GLDN: variants seen among roughly 807,000 people sequenced by gnomAD.
GLDN encodes the protein collomin.
GLDN carries 47 observed loss-of-function variants against 56.5 expected under a neutral mutation model. That is an observed-to-expected ratio of 0.83 (90% CI 0.66 to 1.06). GLDN has a LOEUF of 1.06. GLDN is among the 50% of genes least tolerant of loss of function. The pLI, the probability that GLDN is intolerant of heterozygous loss-of-function variation, is 0.00. For missense variants in GLDN, 782 were observed against 714.3 expected (o/e 1.09, Z -1.08); for synonymous variants, 332 against 278.8 (o/e 1.19, Z -1.90).
chr15:51,355,200 C>T (rs548336415), intron 1 of GLDN, among the ~76,000 whole-genome samples: 1 of 152,100 alleles, frequency 6.6e-6, no homozygotes, highest in Non-Finnish European at 1.5e-5. Flanking sequence ...CAGAGCAGCC[C>T]CAAAGGCTGC....
In GLDN at chr15:51,397,472, G is replaced by T; in HGVS notation, c.691G>T (p.Ala231Ser). ...CCTTTCTCTCTCTCTCTCTCCAGGTGCCAAAGGTGACCAAGGCCCACCCGG... is the reference window on the plus strand; with the variant it reads ...CCTTTCTCTCTCTCTCTCTCCAGGTTCCAAAGGTGACCAAGGCCCACCCGG... Reference protein sequence around the residue: ...DVSNDVLLAGAKGDQGPPGPP... With the variant: ...DVSNDVLLAGSKGDQGPPGPP... Residue 231 changes from alanine to serine, a missense_variant and splice_region_variant, in exon 6 of 10, where the codon GCC becomes TCC. Coordinates refer to ENST00000335449, the MANE Select transcript of GLDN (RefSeq NM_181789.4). The T allele has an allele frequency of 6.6e-7, 1 of 1,507,988 alleles. No homozygotes were observed. Among genetic ancestry groups the T allele is most frequent in the Non-Finnish European group, 8.9e-7 (1 of 1,123,994 alleles). The allele number at this position is 1,507,988 out of a possible 1,614,324, so 93.4% of individuals were successfully genotyped here.
Position 51,400,437 on chromosome 15 carries a change from T to G in GLDN, c.966T>G (p.Thr322=), listed in dbSNP as rs768664968. 1 of 1,614,206 alleles carries G rather than the reference T, an allele frequency of 6.2e-7. No individual in the cohort carries two copies. The highest frequency in any genetic ancestry group is 8.5e-7 in the Non-Finnish European group (1 of 1,180,020). The change falls in exon 8 of 10, where the codon ACT becomes ACG. Residue 322 remains threonine, a synonymous_variant. Transcript: ENST00000335449. ...TGAAAGTGACAGAGACATTTGGGAC[T>G]TGGATAAGAGAGTCTGCTAACAAGA... The part of the protein sequence containing the change: ...QVLKVTETFG[T]WIRESANKSD...
intron 9 of GLDN, among the ~76,000 whole-genome samples, chr15:51,402,628 A>G (rs887713136): frequency 6.6e-6 from 1 of 152,240 alleles, no homozygotes; most frequent in Non-Finnish European, 1.5e-5. Context: ...AACAAGAGAC[A>G]GTGACTTTGA....
intron 1 of GLDN, among the ~76,000 whole-genome samples, chr15:51,348,136 G>T (rs774214732): frequency 1.4e-4 from 22 of 152,026 alleles, no homozygotes; most frequent in Non-Finnish European, 2.9e-4. Context: ...TTGTACCCCA[G>T]GTAATTTGGC....
downstream of GLDN, among the ~76,000 whole-genome samples, chr15:51,410,178 T>C (rs1466316367): frequency 1.3e-5 from 2 of 152,246 alleles, no homozygotes; most frequent in African/African-American, 4.8e-5. Flanking sequence ...CACTCAATCA[T>C]GCCCAAGTGG....
chr15:51,391,259 G>A (rs953754583), intron 4 of GLDN, among the ~76,000 whole-genome samples: 1 of 151,510 alleles, frequency 6.6e-6, no homozygotes, highest in African/African-American at 2.5e-5. Flanking sequence ...CTGCCAGGCA[G>A]CAGGAACATT....
At chr15:51,354,146 C>G (rs1260418575) in intron 1 of GLDN, among the ~76,000 whole-genome samples, 2 of 152,156 alleles carry the variant, frequency 1.3e-5, no homozygotes, top group Non-Finnish European at 2.9e-5. Context: ...ATAGAGCAAC[C>G]CCTTCATCTG....
intron 1 of GLDN, among the ~76,000 whole-genome samples, chr15:51,352,924 G>C (rs755966747): frequency 4.3e-5 from 6 of 139,656 alleles, no homozygotes; most frequent in Non-Finnish European, 7.5e-5. Context: ...GGGAAGCACA[G>C]CACCTTTGTA....
intron 2 of GLDN, among the ~76,000 whole-genome samples, chr15:51,382,678 A>G (rs555549986): frequency 1.1e-3 from 171 of 150,758 alleles, no homozygotes; most frequent in African/African-American, 3.8e-3. Context: ...GTGAGCCGAG[A>G]TGGTGCCACT....
At position 51,394,898 on chromosome 15, in the gene GLDN, G is replaced by T; in HGVS notation, c.605G>T (p.Gly202Val). ...RGEKGDHGEL[G>V]LQGNEGPPGQ... ...GAAAAGGGAGACCATGGTGAACTGG[G>T]CCTGCAGGGAAATGAGGGCCCACCA... Residue 202 changes from glycine (G) to valine (V), a missense_variant, in exon 5 of 10, where the codon GGC becomes GTC. Physicochemically the swap from Gly to Val is moderately radical, Grantham distance 109. Transcript: ENST00000335449. 6.2e-7 allele frequency: 1 copy of T among 1,613,550 alleles called. No homozygotes were observed. The highest frequency in any genetic ancestry group is 1.1e-5 in the South Asian group (1 of 90,956).
chr15:51,358,956 G>A (rs564080178), intron 1 of GLDN, among the ~76,000 whole-genome samples: 20 of 152,160 alleles, frequency 1.3e-4, no homozygotes, highest in Admixed American at 1.2e-3. Context: ...TCTCACTAGG[G>A]GATAACCCAC....
intron 4 of GLDN, among the ~76,000 whole-genome samples, chr15:51,389,368 G>A (rs2141112587): frequency 6.6e-6 from 1 of 152,324 alleles, no homozygotes; most frequent in Non-Finnish European, 1.5e-5. Flanking sequence ...CTAGAACATT[G>A]TGTCTGTATA....
chr15:51,390,912 G>A (rs2038003592), intron 4 of GLDN, among the ~76,000 whole-genome samples: 1 of 152,188 alleles, frequency 6.6e-6, no homozygotes, highest in Non-Finnish European at 1.5e-5. Context: ...ACTGTGCACG[G>A]CTAGCATCCC....
chr15:51,380,123 G>T (rs1595822980), intron 2 of GLDN, among the ~76,000 whole-genome samples: 1 of 152,132 alleles, frequency 6.6e-6, no homozygotes, highest in East Asian at 1.9e-4. Flanking sequence ...GGGAGCAGGT[G>T]GCAGTTCCTA....
At chr15:51,345,687 C>T (rs1246359948) in intron 1 of GLDN, among the ~76,000 whole-genome samples, 1 of 152,140 alleles carries the variant, frequency 6.6e-6, no homozygotes, top group Non-Finnish European at 1.5e-5. Flanking sequence ...CTACTAAAAT[C>T]AGTATTAAGA....
chr15:51,404,246 A>G (rs1331758575), intron 9 of GLDN, 31 bp from the exon 10 acceptor site: 3 of 1,494,782 alleles, frequency 2.0e-6, no homozygotes, highest in South Asian at 1.3e-5. Flanking sequence ...ACGGTGATTC[A>G]TGTCTACTTT....
At chr15:51,368,331 C>T (rs563012900) in intron 1 of GLDN, among the ~76,000 whole-genome samples, 12 of 151,980 alleles carry the variant, frequency 7.9e-5, no homozygotes, top group East Asian at 1.9e-4. Flanking sequence ...TGACTGGCCA[C>T]GCTGCTGGGC....
chr15:51,385,653 G>A (rs1472415592), intron 4 of GLDN: 1 of 152,174 alleles, frequency 6.6e-6, no homozygotes, highest in African/African-American at 2.4e-5. Flanking sequence ...ATTTAGATTG[G>A]GAGGCCAAGT....
downstream of GLDN, among the ~76,000 whole-genome samples, chr15:51,408,981 A>G (rs9744072): frequency 0.31 from 46,546 of 150,180 alleles, 7,430 homozygotes; most frequent in East Asian, 0.42. Context: ...GAATAGTGCC[A>G]CAATAAACAT....
Sources: gnomAD v4.1 joint callset for allele counts (sites outside exome capture counted in the v4.1 genomes callset) on GRCh38, gnomAD v4.1.1 for gene constraint, MANE v1.5 for transcripts, NCBI Gene and HGNC (gene_info 2026-07-23, HGNC 2026-07-21) for gene names.